The following SLC39A9 variants were observed in gnomAD, a reference collection of about 807,000 sequenced individuals.
SLC39A9 encodes solute carrier family 39 member 9.
A neutral mutation model predicts 28.4 loss-of-function variants in SLC39A9; 14 were observed. That is an observed-to-expected ratio of 0.49 (90% CI 0.33 to 0.77). The LOEUF is 0.77. Among genes scored for constraint, SLC39A9 ranks in the 30% least tolerant of loss-of-function variants. SLC39A9 has a pLI of 0.02. For synonymous variants in SLC39A9, 119 were observed against 149.6 expected, an observed-to-expected ratio of 0.80 and a Z score of 1.49; for missense variants, 283 against 381.1, an observed-to-expected ratio of 0.74 and a Z score of 2.14.
At chr14:69,417,957 A>G (rs1225312544) in intron 1 of SLC39A9, among the ~76,000 whole-genome samples, 1 of 151,966 alleles carries the variant, frequency 6.6e-6, no homozygotes, top group East Asian at 1.9e-4. Context: ...AATACCCTTT[A>G]TTTCTTTCTC....
At chr14:69,433,744 TTTCTCTTCTC>T (rs202168044) in intron 2 of SLC39A9, among the ~76,000 whole-genome samples, 1 of 152,048 alleles carries the variant, frequency 6.6e-6, no homozygotes, top group African/African-American at 2.4e-5. Flanking sequence ...TGATTTGAGG[TTTCTCTTCTC>T]TTCTCTTGTC....
At chr14:69,424,235 T>C in intron 2 of SLC39A9, 33 bp downstream of exon 2, 2 of 1,510,522 alleles carry the variant, frequency 1.3e-6, no homozygotes, top group Non-Finnish European at 1.8e-6. Flanking sequence ...TTGAGATATG[T>C]TATTGACTTG....
chr14:69,414,634 T>A (rs1009951688), intron 1 of SLC39A9, among the ~76,000 whole-genome samples: 10 of 152,264 alleles, frequency 6.6e-5, no homozygotes, highest in Non-Finnish European at 1.0e-4. Context: ...TTAATTTTTT[T>A]ATAAATAGAT....
rs1161504505 is a variant in SLC39A9 at position 69,446,944 on chromosome 14, ATATAGAGAGAGAGAGAGAGAGAGC to A, written c.403+4679_403+4702del. Among the ~76,000 whole-genome samples the A allele has an allele frequency of 5.7e-3, 778 of 135,512 alleles. 9 individuals are homozygous for A. Among genetic ancestry groups the A allele is most frequent in the African/African-American group, 0.019 (742 of 38,342 alleles). 88.9% of individuals were successfully genotyped at this position (135,512 alleles called of 152,430 possible). ...GCCCATCTGTGATATATATATATAT[ATATAGAGAGAGAGAGAGAGAGAGC>A]GAGAGAGAGAGAGAGAGCACTTGCT... On this transcript the variant is annotated intron_variant, in intron 3 of 6. Transcript: ENST00000336643.
chr14:69,454,466 A>G (rs998911378), intron 4 of SLC39A9, among the ~76,000 whole-genome samples: 1 of 152,148 alleles, frequency 6.6e-6, no homozygotes, highest in Non-Finnish European at 1.5e-5. Flanking sequence ...CTTCTTTGGT[A>G]TTTCCCTTGT....
At chr14:69,434,656 A>G (rs1319828290) in intron 2 of SLC39A9, among the ~76,000 whole-genome samples, 1 of 152,166 alleles carries the variant, frequency 6.6e-6, no homozygotes, top group Non-Finnish European at 1.5e-5. Context: ...GCTGGGTGAA[A>G]GAACAAGACC....
At chr14:69,430,400 G>A in intron 2 of SLC39A9, among the ~76,000 whole-genome samples, 1 of 151,998 alleles carries the variant, frequency 6.6e-6, no homozygotes, top group Non-Finnish European at 1.5e-5. Flanking sequence ...TGGATATTCA[G>A]TAGTTCTAAC....
At chr14:69,443,759 A>G (rs548995984) in intron 3 of SLC39A9, among the ~76,000 whole-genome samples, 1 of 152,244 alleles carries the variant, frequency 6.6e-6, no homozygotes, top group South Asian at 2.1e-4. Flanking sequence ...AGTCCCTGCT[A>G]CTGGGGGACT....
chr14:69,435,716 A>ACT (rs1884709262), intron 2 of SLC39A9, among the ~76,000 whole-genome samples: 2 of 151,902 alleles, frequency 1.3e-5, no homozygotes, highest in Non-Finnish European at 2.9e-5. Flanking sequence ...TCTTTTGCCC[A>ACT]GGCTGGAGTG....
At chr14:69,413,869 G>A (rs1016989062) in intron 1 of SLC39A9, among the ~76,000 whole-genome samples, 3 of 151,634 alleles carry the variant, frequency 2.0e-5, no homozygotes, top group Admixed American at 6.6e-5. Context: ...TTTGGCCTTC[G>A]ATTCTCCATC....
intron 1 of SLC39A9, 121 bp downstream of exon 1, chr14:69,399,586 A>C (rs1176765071): frequency 5.7e-6 from 4 of 698,310 alleles, no homozygotes; most frequent in Non-Finnish European, 7.3e-6. Context: ...AAGAAAGACT[A>C]TCTTTTTTAA....
intron 3 of SLC39A9, among the ~76,000 whole-genome samples, chr14:69,450,005 G>A (rs1203141132): frequency 6.6e-6 from 1 of 152,020 alleles, no homozygotes; most frequent in Non-Finnish European, 1.5e-5. Flanking sequence ...GGCCAACATA[G>A]TGAAACCCCG....
chr14:69,401,599 G>A (rs1017704434), intron 1 of SLC39A9, among the ~76,000 whole-genome samples: 9 of 151,958 alleles, frequency 5.9e-5, no homozygotes, highest in African/African-American at 1.7e-4. Flanking sequence ...TGCAATATGC[G>A]GATATATACT....
intron 2 of SLC39A9, among the ~76,000 whole-genome samples, chr14:69,435,095 G>C (rs1158545449): frequency 6.6e-6 from 1 of 152,132 alleles, no homozygotes; most frequent in African/African-American, 2.4e-5. Context: ...AAGTTGTTTG[G>C]TCTTCTATAT....
intron 1 of SLC39A9, among the ~76,000 whole-genome samples, chr14:69,415,562 G>C (rs1312407775): frequency 6.6e-6 from 1 of 152,116 alleles, no homozygotes; most frequent in Admixed American, 6.6e-5. Context: ...TCCCAAGCCA[G>C]TACCCCAACC....
intron 3 of SLC39A9, among the ~76,000 whole-genome samples, chr14:69,447,631 G>A (rs1885395771): frequency 6.6e-6 from 1 of 152,186 alleles, no homozygotes; most frequent in African/African-American, 2.4e-5. Context: ...ACTAAACTGG[G>A]CTGGATGCAG....
chr14:69,427,804 C>G (rs1012229376), intron 2 of SLC39A9, among the ~76,000 whole-genome samples: 1 of 152,158 alleles, frequency 6.6e-6, no homozygotes, highest in Non-Finnish European at 1.5e-5. Flanking sequence ...AATGAACTTG[C>G]GCTAACTTGT....
intron 1 of SLC39A9, among the ~76,000 whole-genome samples, chr14:69,411,211 C>CAAAAAA (rs35337440): frequency 1.3e-5 from 1 of 74,764 alleles, no homozygotes; most frequent in African/African-American, 5.3e-5. Context: ...GATTCCATCT[C>CAAAAAA]AAAAAAAAAA....
At chr14:69,440,357 G>A (rs1273636303) in intron 2 of SLC39A9, among the ~76,000 whole-genome samples, 1 of 152,114 alleles carries the variant, frequency 6.6e-6, no homozygotes, top group African/African-American at 2.4e-5. Flanking sequence ...GTCAAGGTGG[G>A]CGGATCACTT....
Sources: gnomAD v4.1 joint callset for allele counts (sites outside exome capture counted in the v4.1 genomes callset) on GRCh38, gnomAD v4.1.1 for gene constraint, MANE v1.5 for transcripts, NCBI Gene and HGNC (gene_info 2026-07-23, HGNC 2026-07-21) for gene names.